Variants in NBAS observed in about 807,000 individuals in gnomAD.
NBAS encodes the protein NAG/BC035112 fusion.
Under a neutral mutation model 302.5 loss-of-function variants are expected in NBAS, and 219 were observed. That is an observed-to-expected ratio of 0.72 (90% CI 0.65 to 0.81). The LOEUF (loss-of-function observed/expected upper bound fraction) is 0.81. Ranked by LOEUF, NBAS falls within the 30% of genes least tolerant of loss-of-function variation. NBAS has a pLI of 0.00. For synonymous variants in NBAS, 1,118 were observed against 1,021.6 expected, an observed-to-expected ratio of 1.09 and a Z score of -1.80; for missense variants, 2,932 against 2,841.6, an observed-to-expected ratio of 1.03 and a Z score of -0.72.
At chr2:15,513,187 C>A (rs1662223558) in intron 9 of NBAS, among the ~76,000 whole-genome samples, 1 of 152,204 alleles carries the variant, frequency 6.6e-6, no homozygotes, top group African/African-American at 2.4e-5. Flanking sequence ...AAAGCCTTTT[C>A]CCTACTGCCT....
chr2:15,457,239 C>G (rs1679288809), intron 21 of NBAS, among the ~76,000 whole-genome samples: 1 of 152,140 alleles, frequency 6.6e-6, no homozygotes, highest in South Asian at 2.1e-4. Context: ...CTTGTTTCAA[C>G]TCAAGTCACT....
chr2:15,422,554 A>G (rs189917132), intron 23 of NBAS, among the ~76,000 whole-genome samples: 37 of 152,238 alleles, frequency 2.4e-4, no homozygotes, highest in African/African-American at 8.9e-4. Flanking sequence ...ATTGTAAAAA[A>G]AAAAACCCAC....
intron 18 of NBAS, 54 bp downstream of exon 18, chr2:15,467,610 A>C (rs531206677): frequency 6.5e-7 from 1 of 1,533,510 alleles, no homozygotes; most frequent in African/African-American, 1.4e-5. Flanking sequence ...GAACACACTG[A>C]AATGATTAGT....
At chr2:15,549,028 A>G (rs1664250168) in intron 6 of NBAS, among the ~76,000 whole-genome samples, 1 of 152,358 alleles carries the variant, frequency 6.6e-6, no homozygotes, top group African/African-American at 2.4e-5. Flanking sequence ...GACAGATTTC[A>G]GGTAGAATTA....
chr2:15,011,419 C>A, the NBAS span, among the ~76,000 whole-genome samples: 36 of 152,018 alleles, frequency 2.4e-4, no homozygotes, highest in African/African-American at 8.2e-4. Context: ...TTTTAAAAAT[C>A]AGACATGGCC....
chr2:15,534,718 T>C, intron 8 of NBAS, 77 bp from the exon 9 acceptor site: 1 of 1,130,516 alleles, frequency 8.8e-7, no homozygotes, highest in Non-Finnish European at 1.3e-6. Flanking sequence ...ATAAAATGTT[T>C]AGAATTTAAA....
chr2:15,007,691 A>C, the NBAS span, among the ~76,000 whole-genome samples: 2 of 152,180 alleles, frequency 1.3e-5, no homozygotes, highest in Admixed American at 1.3e-4. Context: ...GAGTGCATTG[A>C]CCAAAAAAGA....
At chr2:15,366,122 A>G (rs1012300106) in intron 32 of NBAS, among the ~76,000 whole-genome samples, 4 of 152,242 alleles carry the variant, frequency 2.6e-5, no homozygotes, top group Non-Finnish European at 1.5e-5. Flanking sequence ...GTAAATGCAT[A>G]AAGTTTTCTA....
At chr2:15,181,440 C>T (rs1397734004) in intron 50 of NBAS, among the ~76,000 whole-genome samples, 1 of 152,194 alleles carries the variant, frequency 6.6e-6, no homozygotes, top group Non-Finnish European at 1.5e-5. Flanking sequence ...TCTTTAAGTG[C>T]TAAATCCTCT....
chr2:15,247,596 C>T (rs1340154345), intron 44 of NBAS, among the ~76,000 whole-genome samples: 1 of 151,570 alleles, frequency 6.6e-6, no homozygotes, highest in Non-Finnish European at 1.5e-5. Flanking sequence ...TTTAAACCAA[C>T]AAAGATCAAA....
At chr2:14,829,753 G>C in the NBAS span, among the ~76,000 whole-genome samples, 23 of 152,192 alleles carry the variant, frequency 1.5e-4, no homozygotes, top group Non-Finnish European at 3.2e-4. Flanking sequence ...GGCTCCATTT[G>C]CCACAAGGCT....
the NBAS span, among the ~76,000 whole-genome samples, chr2:14,827,543 C>T: frequency 1.1e-3 from 164 of 152,250 alleles, no homozygotes; most frequent in African/African-American, 3.8e-3. Context: ...AACACAGAAA[C>T]AGCCTCCATG....
the NBAS span, among the ~76,000 whole-genome samples, chr2:14,887,522 T>C: frequency 1.3e-5 from 2 of 152,056 alleles, no homozygotes; most frequent in African/African-American, 4.8e-5. Flanking sequence ...AGGAGTAGCC[T>C]GTCCTTTGCC....
chr2:15,327,628 G>A, intron 38 of NBAS, 122 bp downstream of exon 38: 1 of 1,167,184 alleles, frequency 8.6e-7, no homozygotes, highest in Non-Finnish European at 1.3e-6. Flanking sequence ...ATGATGTCAA[G>A]TTATGCAATT....
chr2:15,189,083 A>G (rs1026853316), intron 49 of NBAS, among the ~76,000 whole-genome samples: 5 of 152,156 alleles, frequency 3.3e-5, no homozygotes, highest in African/African-American at 1.2e-4. Context: ...CCACACCAAG[A>G]TCACTGGTGG....
chr2:15,402,347 G>C (rs751520746), intron 25 of NBAS, 46 bp from the exon 26 acceptor site: 1 of 1,597,610 alleles, frequency 6.3e-7, no homozygotes, highest in African/African-American at 1.3e-5. Flanking sequence ...CAGATTTATA[G>C]TCAATTTTTC....
chr2:15,356,205 G>GCTTACC lies in NBAS; in HGVS notation c.3931+92_3931+97dup, dbSNP rs2148311858. 1.1e-5 allele frequency: 11 copies of GCTTACC among 981,862 alleles called. No individual in the cohort carries two copies. The South Asian group carries it at 1.4e-4, about 13-fold the overall frequency. 60.8% of individuals were successfully genotyped at this position (981,862 alleles called of 1,614,324 possible). Reference sequence around the variant, plus strand: ...TGTATCTCAAGCCTCAATGTGGCTGGCTTACCAATCAGGTCAATTGATTTC... The same window carrying GCTTACC: ...TGTATCTCAAGCCTCAATGTGGCTGGCTTACCCTTACCAATCAGGTCAATTGATTTC... On this transcript the variant is annotated intron_variant, in intron 33 of 51. Coordinates refer to ENST00000281513, the MANE Select transcript of NBAS (RefSeq NM_015909.4).
chr2:14,991,631 C>T, the NBAS span, among the ~76,000 whole-genome samples: 164 of 152,300 alleles, frequency 1.1e-3, no homozygotes, highest in Admixed American at 2.9e-3. Context: ...GTGTGGTCCA[C>T]GCAGGGAGCC....
At chr2:14,942,770 G>T in the NBAS span, among the ~76,000 whole-genome samples, 1 of 152,174 alleles carries the variant, frequency 6.6e-6, no homozygotes, top group African/African-American at 2.4e-5. Flanking sequence ...GTCAGGCCTG[G>T]CCCAAGCACA....
Sources: allele counts gnomAD v4.1 joint callset (sites outside exome capture counted in the v4.1 genomes callset), GRCh38; gene constraint gnomAD v4.1.1; transcripts MANE v1.5; gene names NCBI Gene and HGNC (gene_info 2026-07-23, HGNC 2026-07-21).